The following PTH2R variants were observed in gnomAD, a reference collection of about 807,000 sequenced individuals.
The protein encoded by PTH2R is parathyroid hormone 2 receptor.
Under a neutral mutation model 60.3 loss-of-function variants are expected in PTH2R, and 59 were observed. That is an observed-to-expected ratio of 0.98 (90% CI 0.79 to 1.22). The LOEUF (loss-of-function observed/expected upper bound fraction) is 1.22. PTH2R is among the 50% of genes most tolerant of loss of function. PTH2R has a pLI of 0.00. For synonymous variants in PTH2R, 256 were observed against 243.8 expected (o/e 1.05, Z -0.47); for missense variants, 749 against 682.6 (o/e 1.10, Z -1.08).
intron 1 of PTH2R, among the ~76,000 whole-genome samples, chr2:208,382,668 C>G (rs1216171634): frequency 6.6e-6 from 1 of 152,154 alleles, no homozygotes; most frequent in East Asian, 1.9e-4. Context: ...GTTTTTGGAC[C>G]CTTTTCTGCT....
Position 208,449,630 on chromosome 2 carries a change from A to AT in PTH2R, c.854-1118dup, listed in dbSNP as rs1255588965. Among the ~76,000 whole-genome samples the AT allele has an allele frequency of 2.0e-5, 3 of 152,318 alleles. No individual in the cohort carries two copies. In the East Asian group the frequency reaches 5.8e-4, roughly 29 times the overall value. On this transcript the variant is annotated intron_variant, in intron 7 of 12. Transcript: ENST00000272847. The stretch of plus-strand genomic sequence containing the variant: ...TATAGAATCATAAAATTCAGTAGTG[A>AT]TATAGGCAGGCTGAACTTAAGTTAG...
chr2:208,447,921 T>A (rs1702322401), intron 7 of PTH2R, among the ~76,000 whole-genome samples: 1 of 152,222 alleles, frequency 6.6e-6, no homozygotes, highest in Non-Finnish European at 1.5e-5. Context: ...ATTTTAATTC[T>A]GTATGTAAAA....
chr2:208,379,300 CAG>C (rs1259400395), intron 1 of PTH2R, among the ~76,000 whole-genome samples: 2 of 152,116 alleles, frequency 1.3e-5, no homozygotes. Context: ...ACAAAAGAGT[CAG>C]GGTAAATGTA....
chr2:208,437,948 A>T, intron 4 of PTH2R, 67 bp downstream of exon 4: 1 of 1,557,286 alleles, frequency 6.4e-7, no homozygotes, highest in Non-Finnish European at 8.8e-7. Context: ...GCAATTCTCA[A>T]TTGCCAGCCA....
At chr2:208,418,927 A>G (rs1270086800) in intron 1 of PTH2R, among the ~76,000 whole-genome samples, 2 of 152,212 alleles carry the variant, frequency 1.3e-5, no homozygotes, top group African/African-American at 2.4e-5. Context: ...AATATTTTAC[A>G]TGTATAAATA....
intron 7 of PTH2R, 148 bp from the exon 8 acceptor site, chr2:208,450,601 G>A (rs1214466775): frequency 1.5e-6 from 1 of 683,556 alleles, no homozygotes; most frequent in African/African-American, 1.8e-5. Context: ...AAAATTAAGT[G>A]GACTTTTCTT....
intron 9 of PTH2R, among the ~76,000 whole-genome samples, chr2:208,477,589 C>T (rs1050309386): frequency 2.6e-5 from 4 of 151,974 alleles, no homozygotes; most frequent in Non-Finnish European, 4.4e-5. Context: ...AACCCCTCTA[C>T]CCCAAAACTA....
At position 208,489,017 on chromosome 2, in the gene PTH2R, T is replaced by C; in HGVS notation, c.1082T>C (p.Leu361Pro). The C allele has an allele frequency of 4.3e-6, 7 of 1,614,054 alleles. No individual in the cohort carries two copies. Among genetic ancestry groups the C allele is most frequent in the Non-Finnish European group, 5.9e-6 (7 of 1,179,992 alleles). Residue 361 changes from leucine to proline, a missense_variant, in exon 11 of 13, where the codon CTG becomes CCG. By Grantham distance (98) the Leu-to-Pro change is moderately conservative (BLOSUM62 -3). Transcript: ENST00000272847. ...GACTTGCTGTTCTCCTTTAGGAAAC[T>C]GGCCAAATCGACACTGGTCCTGGTC... ...GHDTRKQYRKLAKSTLVLVLV... is the reference protein window; with the variant it reads ...GHDTRKQYRKPAKSTLVLVLV...
chr2:208,394,789 A>G (rs887428059), intron 1 of PTH2R, among the ~76,000 whole-genome samples: 2 of 152,178 alleles, frequency 1.3e-5, no homozygotes, highest in African/African-American at 4.8e-5. Flanking sequence ...TAACTTCTGG[A>G]CTTAAAATTA....
chr2:208,436,824 T>C (rs1020876708), intron 2 of PTH2R, among the ~76,000 whole-genome samples: 11 of 152,048 alleles, frequency 7.2e-5, no homozygotes, highest in South Asian at 2.1e-4. Flanking sequence ...ATAGTTATTC[T>C]TGAGAACTAC....
chr2:208,451,275 G>A (rs377698956), intron 8 of PTH2R, among the ~76,000 whole-genome samples: 1 of 152,212 alleles, frequency 6.6e-6, no homozygotes, highest in East Asian at 1.9e-4. Context: ...ACAGAATCTG[G>A]TGCCCTGGGC....
intron 1 of PTH2R, among the ~76,000 whole-genome samples, chr2:208,370,297 G>C (rs1263462464): frequency 6.6e-6 from 1 of 151,596 alleles, no homozygotes; most frequent in Non-Finnish European, 1.5e-5. Context: ...CAAAAAATTA[G>C]CCAGGCATGG....
At chr2:208,433,372 A>G (rs1023277791) in intron 2 of PTH2R, among the ~76,000 whole-genome samples, 2 of 152,230 alleles carry the variant, frequency 1.3e-5, no homozygotes, top group African/African-American at 4.8e-5. Context: ...TTACTTTAAA[A>G]TTGTAAAACA....
At chr2:208,363,169 C>T (rs565670259) in intron 1 of PTH2R, among the ~76,000 whole-genome samples, 1 of 152,150 alleles carries the variant, frequency 6.6e-6, no homozygotes, top group East Asian at 1.9e-4. Flanking sequence ...TTTGACCCTC[C>T]CCCTTCTCCC....
intron 1 of PTH2R, among the ~76,000 whole-genome samples, chr2:208,391,525 T>C (rs1471229349): frequency 6.6e-6 from 1 of 152,182 alleles, no homozygotes; most frequent in Non-Finnish European, 1.5e-5. Flanking sequence ...GCTGCTGCTT[T>C]GAGCAAAGCT....
At chr2:208,400,749 T>C (rs1397516202) in intron 1 of PTH2R, among the ~76,000 whole-genome samples, 1 of 152,238 alleles carries the variant, frequency 6.6e-6, no homozygotes, top group Non-Finnish European at 1.5e-5. Flanking sequence ...ATTGCTAAAA[T>C]AGTCTCTTTA....
rs576440023 is a variant in PTH2R at position 208,368,961 on chromosome 2, A to G, written c.-259+8724A>G. 2.0e-4 allele frequency among the ~76,000 whole-genome samples: 31 copies of G among 151,234 alleles called. 1 individual carries two copies. The South Asian group carries it at 6.0e-3, about 29-fold the overall frequency. On this transcript the variant is annotated intron_variant, in intron 1 of 12. Transcript: ENST00000617735. ...CACAGATGGCACTAAACAACCCTCCACTGTCATTGTTACTTGGATTATAAC... is the reference window on the plus strand; with the variant it reads ...CACAGATGGCACTAAACAACCCTCCGCTGTCATTGTTACTTGGATTATAAC...
intron 1 of PTH2R, among the ~76,000 whole-genome samples, chr2:208,374,886 A>T (rs1700766499): frequency 6.6e-6 from 1 of 152,090 alleles, no homozygotes; most frequent in East Asian, 1.9e-4. Context: ...TTGAACACGT[A>T]TTCTTGGCTA....
chr2:208,403,700 C>T (rs1222892231), upstream of PTH2R, among the ~76,000 whole-genome samples: 1 of 152,182 alleles, frequency 6.6e-6, no homozygotes, highest in Non-Finnish European at 1.5e-5. Context: ...TTTGGACAGG[C>T]TCTTCTCTGC....
Sources: allele counts gnomAD v4.1 joint callset (sites outside exome capture counted in the v4.1 genomes callset), GRCh38; gene constraint gnomAD v4.1.1; transcripts MANE v1.5; gene names NCBI Gene and HGNC (gene_info 2026-07-23, HGNC 2026-07-21).